PEG3: variants seen among roughly 807,000 people sequenced by gnomAD.
PEG3 encodes the protein paternally-expressed gene 3 protein.
PEG3 carries 23 observed loss-of-function variants against 35.5 expected under a neutral mutation model. That is an observed-to-expected ratio of 0.65 (90% CI 0.47 to 0.92). The LOEUF (loss-of-function observed/expected upper bound fraction) is 0.92, where lower values mean the gene tolerates loss of function less well. Among genes scored for constraint, PEG3 ranks in the 40% least tolerant of loss-of-function variants. PEG3 has a pLI of 0.00. For synonymous variants in PEG3, 707 were observed against 697.0 expected, an observed-to-expected ratio of 1.01 and a Z score of -0.23; for missense variants, 1,960 against 1,985.3, an observed-to-expected ratio of 0.99 and a Z score of 0.24.
chr19:56,838,440 C>T (rs751367379), intron 1 of PEG3, among the ~76,000 whole-genome samples: 2 of 152,156 alleles, frequency 1.3e-5, no homozygotes, highest in Admixed American at 6.5e-5. Context: ...CTATCAGTCC[C>T]GAGGAACGGT....
intron 2 of PEG3, among the ~76,000 whole-genome samples, chr19:56,829,976 A>G (rs1330729790): frequency 6.6e-6 from 1 of 152,254 alleles, no homozygotes; most frequent in East Asian, 1.9e-4. Context: ...AAAGGTCTAA[A>G]GGCTTGCCTG....
chr19:56,815,240 T>C lies in PEG3; in HGVS notation c.3202A>G (p.Thr1068Ala). ...SHGEESQGEN[T>A]DGEETHSEET... Reference sequence around the variant, plus strand: ...TCGCTGTGGGTCTCCTCCCCATCAGTATTCTCGCCTTGAGACTCCTCGCCA... The same window carrying C: ...TCGCTGTGGGTCTCCTCCCCATCAGCATTCTCGCCTTGAGACTCCTCGCCA... The change falls in exon 10 of 10, where the codon ACT becomes GCT. Residue 1068 changes from threonine to alanine, a missense_variant. Around this residue, in one of 5 missense-constraint regions of PEG3, gnomAD observed 798 missense variants for 782.4 expected, o/e 1.02. Coordinates refer to ENST00000326441, the MANE Select transcript of PEG3 (RefSeq NM_006210.3). 6.2e-7 allele frequency: 1 copy of C among 1,614,212 alleles called. No individual in the cohort carries two copies. Among genetic ancestry groups the C allele is most frequent in the African/African-American group, 1.3e-5 (1 of 75,060 alleles).
rs753766471 is a variant in PEG3 at position 56,824,641 on chromosome 19, C to A, written c.15G>T (p.Lys5Asn). The change falls in exon 4 of 10, where the codon AAG (lysine) becomes AAT (asparagine). Residue 5 changes from lysine to asparagine, a missense_variant. By Grantham distance (94) the Lys-to-Asn change is moderately conservative. Around this residue, in one of 5 missense-constraint regions of PEG3, gnomAD observed 613 missense variants for 577.1 expected, o/e 1.06. Transcript: ENST00000326441. MLPP[K>N]HLSATKPKKS... ...TCTTAGGTTTGGTGGCAGACAAGTG[C>A]TTTGGAGGCAGCATTTCTCTAAGTA... 6.3e-7 allele frequency: 1 copy of A among 1,597,136 alleles called. No homozygotes were observed.
chr19:56,830,032 G>C (rs1479558193), intron 2 of PEG3, among the ~76,000 whole-genome samples: 12 of 152,300 alleles, frequency 7.9e-5, no homozygotes, highest in African/African-American at 2.6e-4. Flanking sequence ...ATCTGCCTGA[G>C]GATGGCCTAA....
intron 2 of PEG3, among the ~76,000 whole-genome samples, chr19:56,827,578 T>C (rs988357125): frequency 1.3e-5 from 2 of 152,220 alleles, no homozygotes; most frequent in African/African-American, 4.8e-5. Flanking sequence ...CCTGTGGCAA[T>C]GCAAATTTTA....
intron 2 of PEG3, among the ~76,000 whole-genome samples, chr19:56,832,553 C>G (rs930109801): frequency 1.3e-5 from 2 of 152,254 alleles, no homozygotes; most frequent in Non-Finnish European, 2.9e-5. Context: ...ATATCTCCCT[C>G]TGCTCTCTCT....
Position 56,839,879 on chromosome 19 carries a change from C to CG in PEG3, c.-250+702dup, listed in dbSNP as rs1268354228. On this transcript the variant is annotated intron_variant, in intron 1 of 9. Coordinates refer to ENST00000326441, the MANE Select transcript of PEG3 (RefSeq NM_006210.3). ...CCACCCAGTCACTTGAGCCTTGCCCCGCCCCATCTGCCGCCAACCAACCAA... is the reference window on the plus strand; with the variant it reads ...CCACCCAGTCACTTGAGCCTTGCCCCGGCCCCATCTGCCGCCAACCAACCAA... 2.6e-5 allele frequency among the ~76,000 whole-genome samples: 4 copies of CG among 152,260 alleles called. No individual in the cohort carries two copies. In the South Asian group the frequency reaches 8.3e-4, roughly 31 times the overall value.
chr19:56,825,635 T>C (rs2060949193), intron 3 of PEG3, among the ~76,000 whole-genome samples: 1 of 152,192 alleles, frequency 6.6e-6, no homozygotes, highest in African/African-American at 2.4e-5. Context: ...TTGCATTTTA[T>C]TGCGTATTTT....
intron 7 of PEG3, among the ~76,000 whole-genome samples, 192 bp from the exon 8 acceptor site, chr19:56,818,894 G>C (rs1460788092): frequency 6.6e-6 from 1 of 152,228 alleles, no homozygotes; most frequent in Non-Finnish European, 1.5e-5. Flanking sequence ...TACACTCTGA[G>C]GCAGATCCCA....
rs771005466 is a variant in PEG3 at position 56,813,974 on chromosome 19, G to A, written c.4468C>T (p.Pro1490Ser). Reference sequence around the variant, plus strand: ...ATCTCTTGATCTTCACCTTCTTCTGGGTCTTCAATTCCCACACCGTCAGGC... The same window carrying A: ...ATCTCTTGATCTTCACCTTCTTCTGAGTCTTCAATTCCCACACCGTCAGGC... Reference protein sequence around the residue: ...DEPDGVGIEDPEEGEDQEIQV... With the variant: ...DEPDGVGIEDSEEGEDQEIQV... Residue 1490 changes from proline to serine, a missense_variant, in exon 10 of 10, where the codon CCA becomes TCA. This residue lies in a region of PEG3 where 416 missense variants were observed against 416.7 expected (regional missense o/e 1.00). Coordinates refer to ENST00000326441, the MANE Select transcript of PEG3 (RefSeq NM_006210.3). 6.2e-7 allele frequency: 1 copy of A among 1,613,960 alleles called. No homozygotes were observed. The highest frequency in any genetic ancestry group is 8.5e-7 in the Non-Finnish European group (1 of 1,179,956).
Position 56,813,235 on chromosome 19 carries a change from G to A in PEG3, c.*440C>T. ...AAAAAATTCAAAGAATACCAGGTAA[G>A]GTACCTCTGCAGAGTAAACTGTAAC... On this transcript the variant is annotated 3_prime_UTR_variant, in exon 10 of 10. Transcript: ENST00000326441. 1.0e-6 allele frequency: 1 copy of A among 979,792 alleles called. No homozygotes were observed. The highest frequency in any genetic ancestry group is 1.2e-6 in the Non-Finnish European group (1 of 824,738). The allele number at this position is 979,792 out of a possible 1,614,324, so 60.7% of individuals were successfully genotyped here. A position where few individuals can be genotyped will look rare whatever the true frequency, so the allele number is the denominator to read the frequency against.
chr19:56,833,002 C>T (rs1052356081), intron 2 of PEG3, among the ~76,000 whole-genome samples: 1 of 152,188 alleles, frequency 6.6e-6, no homozygotes, highest in African/African-American at 2.4e-5. Flanking sequence ...ACTCATCAGG[C>T]ATCCTTGCCA....
intron 1 of PEG3, among the ~76,000 whole-genome samples, chr19:56,839,202 C>T (rs1460739144): frequency 1.3e-5 from 2 of 152,136 alleles, no homozygotes; most frequent in East Asian, 1.9e-4. Context: ...AGCCTTGCCC[C>T]GCCCCATCTG....
intron 2 of PEG3, among the ~76,000 whole-genome samples, chr19:56,827,018 G>C (rs1295091375): frequency 6.6e-6 from 1 of 152,070 alleles, no homozygotes; most frequent in Non-Finnish European, 1.5e-5. Flanking sequence ...AATACAAATA[G>C]CCCAACCTGA....
chr19:56,817,891 A>C, intron 8 of PEG3, 56 bp from the exon 9 acceptor site: 35 of 1,363,146 alleles, frequency 2.6e-5, no homozygotes, highest in Non-Finnish European at 3.1e-5. Context: ...ACCAAGACTC[A>C]TCACCATAAA....
rs147772587 is a variant in PEG3, at chr19:56,813,936, T to A, written c.4506A>T (p.Glu1502Asp). ...TGCATTCATGGCAGTCATAGTATGG[T>A]TCTTCTACCTGAATCTCTTGATCTT... Reference protein sequence around the residue: ...EGEDQEIQVEEPYYDCHECTE... With the variant: ...EGEDQEIQVEDPYYDCHECTE... Residue 1502 changes from glutamate to aspartate, a missense_variant, in exon 10 of 10, where the codon GAA becomes GAT. Transcript: ENST00000326441. 731 of 1,614,150 alleles carry A rather than the reference T, an allele frequency of 4.5e-4. 3 individuals carry two copies. The African/African-American group carries it at 7.7e-3, about 17-fold the overall frequency.
rs2146107851 is a variant in PEG3, at chr19:56,812,976, G to T, written c.*699C>A. Reference sequence around the variant, plus strand: ...TATTAGGTTCCAAAGTGTTGGCGCAGATGAAATGGCTGCAGAAAGAAGCTA... The same window carrying T: ...TATTAGGTTCCAAAGTGTTGGCGCATATGAAATGGCTGCAGAAAGAAGCTA... On this transcript the variant is annotated 3_prime_UTR_variant, in exon 10 of 10. Transcript: ENST00000326441. The T allele has an allele frequency of 1.0e-6, 1 of 985,820 alleles. No homozygotes were observed. The highest frequency in any genetic ancestry group is 4.7e-5 in the South Asian group (1 of 21,290). 61.1% of individuals were successfully genotyped at this position (985,820 alleles called of 1,614,324 possible). A position where few individuals can be genotyped will look rare whatever the true frequency, so the allele number is the denominator to read the frequency against.
At chr19:56,837,854 C>A (rs1328882558) in intron 1 of PEG3, among the ~76,000 whole-genome samples, 1 of 152,094 alleles carries the variant, frequency 6.6e-6, no homozygotes, top group Non-Finnish European at 1.5e-5. Context: ...ACACGTGGTA[C>A]TAGGATGGAC....
At chr19:56,821,844 G>A in intron 6 of PEG3, 90 bp from the exon 7 acceptor site, 1 of 1,407,188 alleles carries the variant, frequency 7.1e-7, no homozygotes, top group Admixed American at 1.7e-5. Flanking sequence ...AGCCAGCTGG[G>A]GTGTGAGTGT....
Sources: allele counts gnomAD v4.1 joint callset (sites outside exome capture counted in the v4.1 genomes callset), GRCh38; gene constraint gnomAD v4.1.1; regional missense constraint gnomAD v4.1.1; transcripts MANE v1.5; gene names NCBI Gene and HGNC (gene_info 2026-07-23, HGNC 2026-07-21).